The following LAMA2 variants were observed in gnomAD, a reference collection of about 807,000 sequenced individuals.
LAMA2 encodes laminin subunit alpha-2.
In LAMA2, 269 loss-of-function variants were observed where a neutral mutation model predicts 364.8. That is an observed-to-expected ratio of 0.74 (90% confidence interval 0.67 to 0.82). The LOEUF (loss-of-function observed/expected upper bound fraction) is 0.82. LAMA2 is among the 40% of genes least tolerant of loss of function. The pLI, the probability that LAMA2 is intolerant of heterozygous loss-of-function variation, is 0.00. For synonymous variants in LAMA2, 1,379 were observed against 1,370.6 expected, an observed-to-expected ratio of 1.01 and a Z score of -0.14; for missense variants, 3,807 against 3,873.2, an observed-to-expected ratio of 0.98 and a Z score of 0.45.
At chr6:128,901,584 C>A (rs1777086881) in intron 1 of LAMA2, among the ~76,000 whole-genome samples, 2 of 152,138 alleles carry the variant, frequency 1.3e-5, no homozygotes, top group South Asian at 4.1e-4. Context: ...CATATGACAC[C>A]AGCATGGTGA....
chr6:129,365,330 A>G (rs1777701200), intron 32 of LAMA2, among the ~76,000 whole-genome samples: 2 of 152,274 alleles, frequency 1.3e-5, no homozygotes, highest in African/African-American at 4.8e-5. Flanking sequence ...ATAAGAAAAC[A>G]CTATAGAAAG....
intron 4 of LAMA2, among the ~76,000 whole-genome samples, chr6:129,141,253 T>C (rs575750736): frequency 8.5e-5 from 13 of 152,118 alleles, no homozygotes; most frequent in Non-Finnish European, 1.5e-4. Context: ...CATATATTTA[T>C]CCATTCTTTT....
At chr6:129,499,735 T>TGAGA (rs1441047893) in intron 58 of LAMA2, among the ~76,000 whole-genome samples, 1 of 152,136 alleles carries the variant, frequency 6.6e-6, no homozygotes, top group Non-Finnish European at 1.5e-5. Context: ...TTTTTCTTTT[T>TGAGA]GAGACAGGTT....
chr6:129,080,379 A>G (rs1773962905), intron 3 of LAMA2, among the ~76,000 whole-genome samples: 1 of 152,200 alleles, frequency 6.6e-6, no homozygotes, highest in Non-Finnish European at 1.5e-5. Flanking sequence ...GAATCTCACT[A>G]AAAACAAGAT....
chr6:129,063,878 G>A (rs1165545769), intron 3 of LAMA2, among the ~76,000 whole-genome samples: 5 of 152,126 alleles, frequency 3.3e-5, no homozygotes, highest in Admixed American at 3.3e-4. Flanking sequence ...CATGTGAATA[G>A]TATAAAATGA....
At chr6:129,330,049 A>G (rs190640636) in intron 29 of LAMA2, among the ~76,000 whole-genome samples, 3 of 151,994 alleles carry the variant, frequency 2.0e-5, no homozygotes, top group African/African-American at 4.8e-5. Flanking sequence ...CTGATGATCA[A>G]TGATCTGTCA....
chr6:128,909,955 A>T (rs1409176937), intron 1 of LAMA2, among the ~76,000 whole-genome samples: 1 of 151,950 alleles, frequency 6.6e-6, no homozygotes, highest in Non-Finnish European at 1.5e-5. Flanking sequence ...AAGAATGTTG[A>T]ATATTGGCCC....
chr6:129,230,756 A>G (rs763238031), intron 12 of LAMA2, among the ~76,000 whole-genome samples: 1 of 152,062 alleles, frequency 6.6e-6, no homozygotes, highest in Non-Finnish European at 1.5e-5. Context: ...AGGTACAGAG[A>G]AGATAGAGGT....
intron 53 of LAMA2, among the ~76,000 whole-genome samples, chr6:129,477,395 C>T (rs1784118818): frequency 6.6e-6 from 1 of 152,084 alleles, no homozygotes; most frequent in African/African-American, 2.4e-5. Flanking sequence ...TTCTGATAGC[C>T]TTTGTTTGTT....
rs754136344 is a variant in LAMA2, at chr6:129,465,203, G to A, written c.7214G>A (p.Gly2405Asp). ...CACATAAAAGTCAGTTACGATCTGG[G>A]CTCAGGAATGGCTTCCGTTGTCAGC... ...DGHIKVSYDL[G>D]SGMASVVSNQ... is the part of the protein sequence containing the mutation. The change falls in exon 51 of 65, where the codon GGC becomes GAC. Residue 2405 changes from glycine (G) to aspartate (D), a missense_variant. Transcript: ENST00000421865. 6.2e-7 allele frequency: 1 copy of A among 1,611,000 alleles called. No individual in the cohort carries two copies. The highest frequency in any genetic ancestry group is 8.5e-7 in the Non-Finnish European group (1 of 1,177,720).
chr6:129,260,054 A>G (rs1392899882), intron 14 of LAMA2, among the ~76,000 whole-genome samples: 2 of 152,158 alleles, frequency 1.3e-5, no homozygotes, highest in Non-Finnish European at 2.9e-5. Context: ...CTCTAAAATA[A>G]TGAGTTATGC....
chr6:129,407,443 C>G (rs1034653429), intron 40 of LAMA2, among the ~76,000 whole-genome samples: 2 of 152,104 alleles, frequency 1.3e-5, no homozygotes, highest in Non-Finnish European at 2.9e-5. Flanking sequence ...GTTAACAACA[C>G]TTAAATGCTG....
chr6:129,283,744 A>G (rs1788897797), intron 18 of LAMA2, among the ~76,000 whole-genome samples: 1 of 151,540 alleles, frequency 6.6e-6, no homozygotes, highest in African/African-American at 2.4e-5. Flanking sequence ...TGTCTGCTTC[A>G]GAATGTCTGA....
intron 1 of LAMA2, among the ~76,000 whole-genome samples, chr6:128,890,190 T>C (rs1246523855): frequency 6.6e-6 from 1 of 152,198 alleles, no homozygotes; most frequent in Non-Finnish European, 1.5e-5. Context: ...TAATAATATG[T>C]AGTGCATTGT....
chr6:129,166,672 C>T (rs1779761127), intron 9 of LAMA2, among the ~76,000 whole-genome samples: 1 of 152,088 alleles, frequency 6.6e-6, no homozygotes, highest in Non-Finnish European at 1.5e-5. Flanking sequence ...TTCCCTACCC[C>T]TTTTTGAGTA....
At chr6:129,401,531 T>C (rs536164905) in intron 38 of LAMA2, among the ~76,000 whole-genome samples, 191 bp downstream of exon 38, 4 of 152,370 alleles carry the variant, frequency 2.6e-5, no homozygotes, top group Admixed American at 2.6e-4. Context: ...CCAATGGACA[T>C]GAGTGTTTGT....
chr6:129,148,726 C>G (rs1181077875), intron 6 of LAMA2, among the ~76,000 whole-genome samples: 3 of 152,058 alleles, frequency 2.0e-5, no homozygotes, highest in African/African-American at 7.2e-5. Context: ...AAGACCACTC[C>G]CAGCTGGGCC....
intron 40 of LAMA2, among the ~76,000 whole-genome samples, chr6:129,414,671 C>A (rs1394175846): frequency 6.6e-6 from 1 of 152,086 alleles, no homozygotes; most frequent in Non-Finnish European, 1.5e-5. Context: ...AATGAAACAA[C>A]AACCCTCATC....
At chr6:128,909,836 T>C (rs981614222) in intron 1 of LAMA2, among the ~76,000 whole-genome samples, 24 of 151,994 alleles carry the variant, frequency 1.6e-4, no homozygotes, top group Non-Finnish European at 3.4e-4. Context: ...GGCCTGGTGG[T>C]GACAAAATCT....
Sources: allele counts gnomAD v4.1 joint callset (sites outside exome capture counted in the v4.1 genomes callset), GRCh38; gene constraint gnomAD v4.1.1; transcripts MANE v1.5; gene names NCBI Gene and HGNC (gene_info 2026-07-23, HGNC 2026-07-21).